NECTIN3: variants seen among roughly 807,000 people sequenced by gnomAD.
NECTIN3 encodes the protein nectin-3.
Under a neutral mutation model 49.4 loss-of-function variants are expected in NECTIN3, and 8 were observed. The observed-to-expected ratio is 0.16, with a 90% confidence interval of 0.10 to 0.29. NECTIN3 has a LOEUF of 0.29. Among genes scored for constraint, NECTIN3 ranks in the 10% least tolerant of loss-of-function variants. NECTIN3 has a pLI of 1.00. For missense variants in NECTIN3, 581 were observed against 654.6 expected (o/e 0.89, Z 1.23); for synonymous variants, 277 against 241.1 (o/e 1.15, Z -1.38).
chr3:111,125,729 G>A (rs2034139196), intron 4 of NECTIN3, among the ~76,000 whole-genome samples: 1 of 152,138 alleles, frequency 6.6e-6, no homozygotes. Context: ...CTATAAATAT[G>A]TTATAGAGGG....
chr3:111,075,518 T>C (rs906190658), intron 1 of NECTIN3, among the ~76,000 whole-genome samples: 6 of 152,098 alleles, frequency 3.9e-5, no homozygotes, highest in African/African-American at 1.2e-4. Flanking sequence ...GTGCATGAAA[T>C]ATAGTAACAC....
chr3:111,083,265 A>G (rs1354643155), intron 1 of NECTIN3, among the ~76,000 whole-genome samples: 1 of 152,130 alleles, frequency 6.6e-6, no homozygotes, highest in Non-Finnish European at 1.5e-5. Flanking sequence ...TTTGTGAGGG[A>G]ACAAGACTAT....
At chr3:111,095,122 A>G (rs570999565) in intron 1 of NECTIN3, among the ~76,000 whole-genome samples, 4 of 152,320 alleles carry the variant, frequency 2.6e-5, no homozygotes, top group South Asian at 4.1e-4. Context: ...TAGGGTTCTC[A>G]TTAACTTAAA....
chr3:111,098,769 T>C (rs2032735353), intron 1 of NECTIN3, among the ~76,000 whole-genome samples: 1 of 152,188 alleles, frequency 6.6e-6, no homozygotes, highest in Admixed American at 6.5e-5. Context: ...TTACTCTTGT[T>C]AATTTTTTGA....
At chr3:111,157,681 G>T (rs1007419375) in intron 7 of NECTIN3, among the ~76,000 whole-genome samples, 3 of 152,052 alleles carry the variant, frequency 2.0e-5, no homozygotes, top group African/African-American at 7.2e-5. Flanking sequence ...CTGACATTGT[G>T]TATTGGACTT....
chr3:111,192,380 C>T, exon 1 of NECTIN3: 16 of 1,535,924 alleles, frequency 1.0e-5, no homozygotes, highest in Non-Finnish European at 1.3e-5. Flanking sequence ...AGACTCAGTT[C>T]AAAGAAAGAG....
chr3:111,126,037 C>T, intron 4 of NECTIN3, 147 bp from the exon 5 acceptor site: 1 of 545,860 alleles, frequency 1.8e-6, no homozygotes, highest in Non-Finnish European at 2.9e-6. Flanking sequence ...AAATTTGTTA[C>T]TTTTTTTTTA....
Position 111,072,162 on chromosome 3 carries a change from T to G in NECTIN3, c.145T>G (p.Phe49Val). Residue 49 changes from phenylalanine to valine, a missense_variant, in exon 1 of 6, where the codon TTC becomes GTC. Transcript: ENST00000485303. ...GCTGCTGCTCTTCCCGCTGCTGCTCTTCTCCAGGCTCTGTGGTAGGTGAAC... is the reference window on the plus strand; with the variant it reads ...GCTGCTGCTCTTCCCGCTGCTGCTCGTCTCCAGGCTCTGTGGTAGGTGAAC... ...LLLLLFPLLL[F>V]SRLCGALAGP... 1.3e-6 allele frequency: 2 copies of G among 1,555,084 alleles called. No homozygotes were observed. Among genetic ancestry groups the G allele is most frequent in the Non-Finnish European group, 1.7e-6 (2 of 1,150,364 alleles).
downstream of NECTIN3, among the ~76,000 whole-genome samples, chr3:111,137,940 A>G (rs1305921562): frequency 6.6e-6 from 1 of 151,396 alleles, no homozygotes; most frequent in Non-Finnish European, 1.5e-5. Context: ...ATTTTTGATT[A>G]ACCATTTAAT....
At chr3:111,185,222 C>T (rs758561602) in intron 7 of NECTIN3, among the ~76,000 whole-genome samples, 12 of 152,120 alleles carry the variant, frequency 7.9e-5, no homozygotes, top group Non-Finnish European at 1.6e-4. Flanking sequence ...AACTCTGTCT[C>T]CCCAGTTCAG....
At chr3:111,193,494 G>A in intron 1 of NECTIN3, 2 of 1,161,798 alleles carry the variant, frequency 1.7e-6, no homozygotes, top group Non-Finnish European at 2.3e-6. Context: ...CCACTCTAAG[G>A]GTATTGGAAG....
chr3:111,130,008 T>C (rs1326629232), intron 5 of NECTIN3, among the ~76,000 whole-genome samples: 1 of 149,504 alleles, frequency 6.7e-6, no homozygotes, highest in Non-Finnish European at 1.5e-5. Context: ...CAGGCTTGAG[T>C]GCAGTGGAGC....
intron 7 of NECTIN3, among the ~76,000 whole-genome samples, chr3:111,156,771 C>T (rs999987423): frequency 6.6e-6 from 1 of 152,136 alleles, no homozygotes; most frequent in Non-Finnish European, 1.5e-5. Flanking sequence ...TTACCTCTCT[C>T]TTTCCCCACA....
At chr3:111,111,814 C>T (rs576097439) in intron 1 of NECTIN3, among the ~76,000 whole-genome samples, 16 of 151,806 alleles carry the variant, frequency 1.1e-4, no homozygotes, top group African/African-American at 2.4e-4. Context: ...CATATCAAGC[C>T]CAGAAAACAC....
rs561914820 is a variant in NECTIN3, at chr3:111,159,524, GATATTATGAGTTACCTAA to G, written c.1221+12041_1221+12058del. On this transcript the variant is annotated intron_variant, in intron 7 of 8. Coordinates refer to the NECTIN3 transcript ENST00000493615. ...TTTTATTTTTTTAAGTGAGGAATGT[GATATTATGAGTTACCTAA>G]CTTGACAAGGGAGAGAGTTGTCAGG... is the stretch of plus-strand genomic sequence containing the variant. Among the ~76,000 whole-genome samples, 28 of 152,198 alleles carry G rather than the reference GATATTATGAGTTACCTAA, an allele frequency of 1.8e-4. No homozygotes were observed. The East Asian group carries it at 5.0e-3, about 27-fold the overall frequency.
chr3:111,110,303 A>T (rs1482529031), intron 1 of NECTIN3, among the ~76,000 whole-genome samples: 1 of 151,836 alleles, frequency 6.6e-6, no homozygotes, highest in Non-Finnish European at 1.5e-5. Context: ...GATAATGGCC[A>T]CTGATTTGAG....
chr3:111,149,871 G>A (rs73854913), intron 7 of NECTIN3, among the ~76,000 whole-genome samples: 5,876 of 151,944 alleles, frequency 0.039, 148 homozygotes, highest in African/African-American at 0.063. Context: ...TTGAAGACTA[G>A]TATAGAATTT....
chr3:111,108,478 T>C (rs920516377), intron 1 of NECTIN3, among the ~76,000 whole-genome samples: 1 of 152,106 alleles, frequency 6.6e-6, no homozygotes, highest in Admixed American at 6.6e-5. Flanking sequence ...TTTTTCTGGA[T>C]TGTAAGGAGA....
At chr3:111,192,463 G>T in intron 1 of NECTIN3, 2 of 1,442,264 alleles carry the variant, frequency 1.4e-6, no homozygotes, top group Non-Finnish European at 1.9e-6. Flanking sequence ...GGTAGCTAAC[G>T]TGCTTATTAA....
Sources: allele counts gnomAD v4.1 joint callset (sites outside exome capture counted in the v4.1 genomes callset), GRCh38; gene constraint gnomAD v4.1.1; transcripts MANE v1.5; gene names NCBI Gene and HGNC (gene_info 2026-07-23, HGNC 2026-07-21).